BCAS1: variants seen among roughly 807,000 people sequenced by gnomAD.
BCAS1 encodes the protein brain enriched myelin associated protein 1.
Under a neutral mutation model 65.4 loss-of-function variants are expected in BCAS1, and 46 were observed. That is an observed-to-expected ratio of 0.70 (90% CI 0.55 to 0.90). The LOEUF is 0.90. Among genes scored for constraint, BCAS1 ranks in the 40% least tolerant of loss-of-function variants. BCAS1 has a pLI of 0.00. For missense variants in BCAS1, 793 were observed against 771.2 expected (o/e 1.03, Z -0.33); for synonymous variants, 298 against 293.5 (o/e 1.02, Z -0.16).
chr20:54,032,611 G>T (rs2091824862), intron 3 of BCAS1, among the ~76,000 whole-genome samples: 1 of 151,106 alleles, frequency 6.6e-6, no homozygotes, highest in South Asian at 2.1e-4. Flanking sequence ...ATAGGTTCAA[G>T]ATAAAGGGAT....
chr20:53,978,606 G>A (rs1568836808), intron 8 of BCAS1, among the ~76,000 whole-genome samples: 1 of 152,174 alleles, frequency 6.6e-6, no homozygotes, highest in East Asian at 1.9e-4. Context: ...ACTATGTAAA[G>A]GATTAAATGC....
intron 6 of BCAS1, among the ~76,000 whole-genome samples, chr20:53,994,320 T>C (rs1255497561): frequency 1.3e-5 from 2 of 152,100 alleles, no homozygotes; most frequent in Admixed American, 1.3e-4. Context: ...CCTTGTCCAG[T>C]GTAAAGGGAG....
chr20:54,069,514 G>A (rs1479607999), intron 1 of BCAS1, among the ~76,000 whole-genome samples: 8 of 152,188 alleles, frequency 5.3e-5, no homozygotes, highest in South Asian at 4.2e-4. Context: ...CTCATCCCAG[G>A]CCCGACTGGA....
intron 8 of BCAS1, among the ~76,000 whole-genome samples, 171 bp from the exon 9 acceptor site, chr20:53,975,601 G>GTATATATA (rs11471112): frequency 2.7e-5 from 4 of 147,550 alleles, no homozygotes; most frequent in Non-Finnish European, 4.5e-5. Flanking sequence ...AATGAAAACG[G>GTATATATA]TATATATATA....
chr20:53,955,884 A>G (rs1055263509), intron 11 of BCAS1, among the ~76,000 whole-genome samples: 1 of 152,206 alleles, frequency 6.6e-6, no homozygotes, highest in Non-Finnish European at 1.5e-5. Flanking sequence ...AATTCCAGAC[A>G]AAATATACCA....
intron 10 of BCAS1, 61 bp downstream of exon 10, chr20:53,966,845 A>T: frequency 1.3e-6 from 2 of 1,491,128 alleles, no homozygotes; most frequent in Non-Finnish European, 1.8e-6. Context: ...GCATGAGCCC[A>T]TTGTTCCCAG....
intron 3 of BCAS1, among the ~76,000 whole-genome samples, chr20:54,041,909 C>CAAAAA (rs796435949): frequency 6.3e-5 from 5 of 79,752 alleles, no homozygotes; most frequent in African/African-American, 1.1e-4. Context: ...CTGTCTCCCC[C>CAAAAA]AAAAAAAAAA....
intron 3 of BCAS1, among the ~76,000 whole-genome samples, chr20:54,034,886 A>C (rs1461344000): frequency 6.6e-6 from 1 of 151,324 alleles, no homozygotes; most frequent in Non-Finnish European, 1.5e-5. Flanking sequence ...TTCAAACTAT[A>C]CTACAAGGCT....
At chr20:53,969,285 AT>A (rs2090120468) in intron 9 of BCAS1, among the ~76,000 whole-genome samples, 1 of 152,070 alleles carries the variant, frequency 6.6e-6, no homozygotes, top group Non-Finnish European at 1.5e-5. Context: ...AGTGGTTGTT[AT>A]TTGTGTTAAT....
chr20:53,964,280 G>A (rs1322455596), intron 10 of BCAS1, among the ~76,000 whole-genome samples: 1 of 152,200 alleles, frequency 6.6e-6, no homozygotes, highest in East Asian at 1.9e-4. Context: ...AAATGAGTGA[G>A]CTAGACTGGG....
Position 53,944,260 on chromosome 20 carries a change from A to G in BCAS1, c.*662T>C, listed in dbSNP as rs1157988332. On this transcript the variant is annotated 3_prime_UTR_variant, in exon 13 of 13. Transcript: ENST00000688948. ...CTTAGAGGATAAGCACGCATTTACT[A>G]CAACGCTTAATTCCTTCTAGCAGCA... 1 of 151,996 alleles carries G rather than the reference A, an allele frequency of 6.6e-6. No individual in the cohort carries two copies. Among genetic ancestry groups the G allele is most frequent in the Non-Finnish European group, 1.5e-5 (1 of 68,040 alleles). The allele number at this position is 151,996 out of a possible 1,614,324, so 9.4% of individuals were successfully genotyped here. A position where few individuals can be genotyped will look rare whatever the true frequency, so the allele number is the denominator to read the frequency against.
intron 9 of BCAS1, among the ~76,000 whole-genome samples, chr20:53,972,919 A>C (rs2090219236): frequency 6.6e-6 from 1 of 152,220 alleles, no homozygotes; most frequent in Non-Finnish European, 1.5e-5. Context: ...CCTCCAAGTG[A>C]TAGGCTGTCA....
chr20:54,045,660 G>A (rs534147446), intron 3 of BCAS1, among the ~76,000 whole-genome samples: 1 of 152,320 alleles, frequency 6.6e-6, no homozygotes, highest in Admixed American at 6.5e-5. Flanking sequence ...ATCAGAAACA[G>A]TCAACAAACT....
At chr20:53,991,147 T>TA (rs1471050205) in intron 7 of BCAS1, among the ~76,000 whole-genome samples, 4 of 152,330 alleles carry the variant, frequency 2.6e-5, no homozygotes, top group Admixed American at 2.6e-4. Context: ...GCCCCTTACT[T>TA]ACAAAAGCTC....
intron 3 of BCAS1, among the ~76,000 whole-genome samples, chr20:54,031,776 A>C (rs2091806125): frequency 6.6e-6 from 1 of 151,258 alleles, no homozygotes; most frequent in Admixed American, 6.6e-5. Context: ...ATACTCAGTG[A>C]CTTTGAGAGA....
At chr20:53,957,564 C>G in intron 10 of BCAS1, 67 bp from the exon 11 acceptor site, 2 of 1,430,910 alleles carry the variant, frequency 1.4e-6, no homozygotes, top group South Asian at 2.3e-5. Flanking sequence ...CAAGAAAGTT[C>G]TGAAATGGAT....
chr20:54,006,924 A>T (rs1043381974), intron 4 of BCAS1, among the ~76,000 whole-genome samples: 2 of 152,230 alleles, frequency 1.3e-5, no homozygotes, highest in Admixed American at 6.5e-5. Flanking sequence ...AAAAACACAG[A>T]TAAACTAATA....
intron 8 of BCAS1, among the ~76,000 whole-genome samples, chr20:53,983,816 C>T (rs6097707): frequency 6.6e-6 from 1 of 152,134 alleles, no homozygotes; most frequent in Non-Finnish European, 1.5e-5. Context: ...CTTCTCCTTC[C>T]TTCTCTCTCT....
chr20:53,950,734 G>T (rs552741257), intron 12 of BCAS1, among the ~76,000 whole-genome samples: 1 of 152,258 alleles, frequency 6.6e-6, no homozygotes, highest in Non-Finnish European at 1.5e-5. Context: ...CTAGTTCAAG[G>T]CTTGGCACAT....
Sources: allele counts gnomAD v4.1 joint callset (sites outside exome capture counted in the v4.1 genomes callset), GRCh38; gene constraint gnomAD v4.1.1; transcripts MANE v1.5; gene names NCBI Gene and HGNC (gene_info 2026-07-23, HGNC 2026-07-21).